The following GRM8 variants were observed in gnomAD, a reference collection of about 807,000 sequenced individuals.
GRM8 encodes the protein metabotropic glutamate receptor 8.
Under a neutral mutation model 87.2 loss-of-function variants are expected in GRM8, and 47 were observed. That is an observed-to-expected ratio of 0.54 (90% CI 0.43 to 0.69). The LOEUF is 0.69. Among genes scored for constraint, GRM8 ranks in the 30% least tolerant of loss-of-function variants. The probability of loss-of-function intolerance (pLI) is 0.00; values close to 1 mark genes in which losing one functional copy is unlikely to be tolerated. For synonymous variants in GRM8, 396 were observed against 404.5 expected (o/e 0.98, Z 0.25); for missense variants, 1,019 against 1,139.2 (o/e 0.89, Z 1.52).
Position 126,901,142 on chromosome 7 carries a change from AT to A in GRM8, c.1156+1399del, listed in dbSNP as rs933241235. ...ACTCTTGCTCCAACCTCCCTGAACT[AT>A]TTTTTTTTTCCTTTACTTTGAACAA... On this transcript the variant is annotated intron_variant, in intron 6 of 10. Coordinates refer to ENST00000339582, the MANE Select transcript of GRM8 (RefSeq NM_000845.3). Among the ~76,000 whole-genome samples, 330 of 148,524 alleles carry A rather than the reference AT, an allele frequency of 2.2e-3. 1 individual carries two copies. The highest frequency in any genetic ancestry group is 6.0e-3 in the African/African-American group (241 of 40,494).
intron 9 of GRM8, among the ~76,000 whole-genome samples, chr7:126,466,282 T>C (rs1345874434): frequency 2.6e-5 from 4 of 151,892 alleles, no homozygotes; most frequent in African/African-American, 7.2e-5. Context: ...ATAAGAGAGA[T>C]GTTGATTTTT....
At chr7:126,458,299 A>G (rs973961274) in intron 9 of GRM8, among the ~76,000 whole-genome samples, 2 of 151,282 alleles carry the variant, frequency 1.3e-5, no homozygotes, top group African/African-American at 4.8e-5. Context: ...TATTCTCAAA[A>G]GAGAAAAGCA....
At chr7:126,536,658 A>C (rs1815772853) in intron 8 of GRM8, among the ~76,000 whole-genome samples, 1 of 152,154 alleles carries the variant, frequency 6.6e-6, no homozygotes, top group Non-Finnish European at 1.5e-5. Flanking sequence ...AATACTGAGA[A>C]AAAAAATGAA....
At chr7:126,825,316 T>C (rs369371518) in intron 6 of GRM8, among the ~76,000 whole-genome samples, 1 of 152,170 alleles carries the variant, frequency 6.6e-6, no homozygotes, top group East Asian at 1.9e-4. Flanking sequence ...TCTGCCCACC[T>C]TGGCCTCCCA....
chr7:127,059,974 C>T (rs543077431), intron 3 of GRM8, among the ~76,000 whole-genome samples: 1 of 152,304 alleles, frequency 6.6e-6, no homozygotes, highest in African/African-American at 2.4e-5. Flanking sequence ...CACTTCAGCC[C>T]AGCCAATGAT....
chr7:127,030,561 A>G (rs1324863455), intron 3 of GRM8, among the ~76,000 whole-genome samples: 3 of 152,034 alleles, frequency 2.0e-5, no homozygotes, highest in Admixed American at 6.6e-5. Flanking sequence ...ATTAATCTTC[A>G]CCATCTCAGT....
intron 6 of GRM8, among the ~76,000 whole-genome samples, chr7:126,775,026 G>A (rs1819259863): frequency 6.6e-6 from 1 of 152,040 alleles, no homozygotes. Flanking sequence ...TTAATTCTGG[G>A]GAAATCAAAC....
At chr7:127,179,431 G>A (rs1666955385) in intron 2 of GRM8, among the ~76,000 whole-genome samples, 1 of 152,078 alleles carries the variant, frequency 6.6e-6, no homozygotes, top group African/African-American at 2.4e-5. Flanking sequence ...GACAGCACTA[G>A]ACAGGTTATC....
At chr7:126,740,491 T>C (rs1284962375) in intron 7 of GRM8, among the ~76,000 whole-genome samples, 1 of 152,138 alleles carries the variant, frequency 6.6e-6, no homozygotes, top group Non-Finnish European at 1.5e-5. Context: ...ATAATTTATA[T>C]AAAATCTTTC....
At chr7:126,444,460 G>T (rs1801793432) in intron 10 of GRM8, among the ~76,000 whole-genome samples, 1 of 152,048 alleles carries the variant, frequency 6.6e-6, no homozygotes, top group East Asian at 1.9e-4. Flanking sequence ...TATGTGGAGG[G>T]TGTTTGTGAA....
At chr7:126,510,442 T>G (rs1584884467) in intron 9 of GRM8, among the ~76,000 whole-genome samples, 1 of 152,186 alleles carries the variant, frequency 6.6e-6, no homozygotes, top group Non-Finnish European at 1.5e-5. Context: ...CAATATCTCT[T>G]GGCATACTCT....
chr7:126,819,860 GCAATAT>G (rs1042227400), intron 6 of GRM8, among the ~76,000 whole-genome samples: 25 of 136,138 alleles, frequency 1.8e-4, no homozygotes, highest in African/African-American at 6.7e-4. Context: ...TAAAAAGAAA[GCAATAT>G]CAGCTTTTTC....
At chr7:126,522,700 T>C (rs1167651603) in intron 9 of GRM8, among the ~76,000 whole-genome samples, 1 of 152,182 alleles carries the variant, frequency 6.6e-6, no homozygotes, top group Non-Finnish European at 1.5e-5. Flanking sequence ...ACCCACTATT[T>C]CTATTGTCTA....
chr7:126,533,942 T>A, intron 8 of GRM8, 55 bp from the exon 9 acceptor site: 1 of 1,293,272 alleles, frequency 7.7e-7, no homozygotes, highest in Non-Finnish European at 1.1e-6. Flanking sequence ...TATAATATCC[T>A]AATCCTAGCC....
chr7:126,714,278 AAATAAT>A (rs143180604), intron 7 of GRM8, among the ~76,000 whole-genome samples: 19,134 of 136,878 alleles, frequency 0.14, 1,401 homozygotes, highest in African/African-American at 0.17. Flanking sequence ...ACTCCATCTC[AAATAAT>A]AATAATAATA....
intron 8 of GRM8, among the ~76,000 whole-genome samples, chr7:126,564,366 C>T (rs1165350794): frequency 6.6e-6 from 1 of 152,080 alleles, no homozygotes; most frequent in Non-Finnish European, 1.5e-5. Flanking sequence ...GCATATGGAA[C>T]CAGACTGAAC....
intron 9 of GRM8, among the ~76,000 whole-genome samples, chr7:126,489,523 T>G (rs1807760979): frequency 6.6e-6 from 1 of 152,008 alleles, no homozygotes; most frequent in Non-Finnish European, 1.5e-5. Context: ...TACCCGGTAT[T>G]AGTAGTCTAA....
chr7:127,168,207 A>T lies in GRM8; in HGVS notation c.511-61495T>A, dbSNP rs188512760. On this transcript the variant is annotated intron_variant, in intron 2 of 10. Coordinates refer to ENST00000339582, the MANE Select transcript of GRM8 (RefSeq NM_000845.3). ...AAAAGTGGGCAAAGGATATGAACAG[A>T]CACTTCTCAAAAGAAGACATTTATG... 1.2e-4 allele frequency among the ~76,000 whole-genome samples: 18 copies of T among 152,354 alleles called. No individual in the cohort carries two copies. The East Asian group carries it at 3.5e-3, about 29-fold the overall frequency.
At chr7:126,529,687 G>T (rs1373888660) in intron 9 of GRM8, among the ~76,000 whole-genome samples, 2 of 152,206 alleles carry the variant, frequency 1.3e-5, no homozygotes, top group Admixed American at 6.5e-5. Flanking sequence ...CATAACCCTT[G>T]TCTGATTATC....
Sources: gnomAD v4.1 joint callset for allele counts (sites outside exome capture counted in the v4.1 genomes callset) on GRCh38, gnomAD v4.1.1 for gene constraint, MANE v1.5 for transcripts, NCBI Gene and HGNC (gene_info 2026-07-23, HGNC 2026-07-21) for gene names.